ACSF3: variants seen among roughly 807,000 people sequenced by gnomAD.
The protein encoded by ACSF3 is malonate--CoA ligase ACSF3, mitochondrial.
ACSF3 carries 78 observed loss-of-function variants against 53.2 expected under a neutral mutation model. The ratio of observed to expected loss-of-function variants is 1.47; its 90% CI spans 1.22 to 1.77. The LOEUF (loss-of-function observed/expected upper bound fraction) is 1.77. ACSF3 is among the 40% of genes most tolerant of loss of function. The probability of loss-of-function intolerance (pLI) is 0.00; values close to 1 mark genes in which losing one functional copy is unlikely to be tolerated. For missense variants in ACSF3, 937 were observed against 771.1 expected (o/e 1.22, Z -2.55); for synonymous variants, 414 against 333.1 (o/e 1.24, Z -2.65).
intron 7 of ACSF3, chr16:89,122,774 G>A (rs1906967902): frequency 6.5e-6 from 1 of 153,504 alleles, no homozygotes; most frequent in African/African-American, 2.4e-5. Flanking sequence ...CAGAGAAAGG[G>A]GCGGAGCGGG....
Position 89,154,441 on chromosome 16 carries a change from G to C in ACSF3, c.*234G>C. The C allele has an allele frequency of 1.5e-6, 1 of 653,692 alleles. No homozygotes were observed. Among genetic ancestry groups the C allele is most frequent in the Non-Finnish European group, 2.8e-6 (1 of 355,592 alleles). The allele number at this position is 653,692 out of a possible 1,614,324, so 40.5% of individuals were successfully genotyped here. A position where few individuals can be genotyped will look rare whatever the true frequency, so the allele number is the denominator to read the frequency against. On this transcript the variant is annotated 3_prime_UTR_variant, in exon 11 of 11. Coordinates refer to ENST00000614302, the MANE Select transcript of ACSF3 (RefSeq NM_001243279.3). ...GTGTCACCTCTGCCTGGTCACCGCC[G>C]ACCTCATCTGTGCAGCGCGGTGCAG... is the stretch of plus-strand genomic sequence containing the variant.
intron 10 of ACSF3, chr16:89,151,241 G>A (rs1243345786): frequency 2.2e-6 from 1 of 456,094 alleles, no homozygotes; most frequent in African/African-American, 2.0e-5. Flanking sequence ...AGACTGAACA[G>A]TTCTGAGTTA....
intron 2 of ACSF3, 83 bp from the exon 3 acceptor site, chr16:89,100,579 T>C (rs958352080): frequency 7.4e-7 from 1 of 1,350,250 alleles, no homozygotes; most frequent in East Asian, 2.4e-5. Context: ...GGCTGGGTAC[T>C]GGGGAGGTGT....
chr16:89,113,877 C>T (rs1430888294), intron 5 of ACSF3: 5 of 305,892 alleles, frequency 1.6e-5, no homozygotes, highest in East Asian at 9.0e-5. Context: ...CCCATGTCCG[C>T]GTTCTGCTGC....
At chr16:89,114,098 C>G in intron 5 of ACSF3, 1 of 581,330 alleles carries the variant, frequency 1.7e-6, no homozygotes, top group South Asian at 1.8e-5. Context: ...GGACCTGCTT[C>G]CTTCTAAAAT....
intron 6 of ACSF3, among the ~76,000 whole-genome samples, chr16:89,116,143 C>T (rs1011845873): frequency 3.9e-5 from 6 of 152,356 alleles, no homozygotes; most frequent in East Asian, 1.9e-4. Flanking sequence ...ATACGGACCA[C>T]AGTTCTTTTT....
At chr16:89,144,409 C>T (rs1912487142) in intron 8 of ACSF3, among the ~76,000 whole-genome samples, 1 of 152,218 alleles carries the variant, frequency 6.6e-6, no homozygotes, top group Non-Finnish European at 1.5e-5. Context: ...TGGGCACCAG[C>T]AGGAGGCTCC....
At chr16:89,126,812 A>G (rs928168409) in intron 7 of ACSF3, among the ~76,000 whole-genome samples, 7 of 152,216 alleles carry the variant, frequency 4.6e-5, no homozygotes, top group Admixed American at 2.6e-4. Flanking sequence ...AGGACTTCCA[A>G]TACGATACTG....
At chr16:89,138,586 C>T (rs557087602) in intron 8 of ACSF3, among the ~76,000 whole-genome samples, 3 of 152,362 alleles carry the variant, frequency 2.0e-5, no homozygotes, top group South Asian at 2.1e-4. Flanking sequence ...GGGCCTGCCA[C>T]GCTCAGCCAG....
chr16:89,135,875 A>G (rs576912120), intron 8 of ACSF3, among the ~76,000 whole-genome samples: 2 of 152,340 alleles, frequency 1.3e-5, no homozygotes. Flanking sequence ...CTCGGGTTCA[A>G]GCAATTCTCC....
chr16:89,119,388 G>C (rs1028482741), intron 6 of ACSF3, among the ~76,000 whole-genome samples: 2 of 152,190 alleles, frequency 1.3e-5, no homozygotes, highest in Admixed American at 1.3e-4. Context: ...CCACGGACGC[G>C]GACAGCAGAC....
At chr16:89,135,427 G>A (rs961621220) in intron 8 of ACSF3, among the ~76,000 whole-genome samples, 2 of 152,238 alleles carry the variant, frequency 1.3e-5, no homozygotes, top group African/African-American at 2.4e-5. Context: ...TGAAGGCTCC[G>A]TGAGCCCCTA....
intron 8 of ACSF3, among the ~76,000 whole-genome samples, chr16:89,142,544 C>A (rs1374540161): frequency 2.0e-5 from 3 of 151,350 alleles, no homozygotes; most frequent in African/African-American, 7.3e-5. Context: ...CACACCCACA[C>A]CTGCAGACAC....
intron 7 of ACSF3, among the ~76,000 whole-genome samples, chr16:89,130,829 C>A (rs899035678): frequency 1.3e-5 from 2 of 152,100 alleles, no homozygotes; most frequent in African/African-American, 4.8e-5. Context: ...TAAGTGTTAT[C>A]TTTTCTTCTG....
chr16:89,106,231 C>A (rs1975966988), intron 4 of ACSF3, among the ~76,000 whole-genome samples: 1 of 152,216 alleles, frequency 6.6e-6, no homozygotes, highest in South Asian at 2.1e-4. Flanking sequence ...ACGGGAAAGC[C>A]TCAGACCTTC....
chr16:89,121,672 G>A (rs1906687192), intron 7 of ACSF3, among the ~76,000 whole-genome samples: 1 of 152,186 alleles, frequency 6.6e-6, no homozygotes, highest in Non-Finnish European at 1.5e-5. Context: ...CAAAGATCGA[G>A]GGATCCTGAG....
In ACSF3 at chr16:89,154,112, G is replaced by A; in HGVS notation, c.1636G>A (p.Val546Met). The change falls in exon 11 of 11, where the codon GTG becomes ATG. Residue 546 changes from valine to methionine, a missense_variant. Transcript: ENST00000614302. ...CAGAAATGTCCTGGCCCCGTACGCGGTGCCCTCGGAGCTGGTGCTGGTGGA... is the reference window on the plus strand; with the variant it reads ...CAGAAATGTCCTGGCCCCGTACGCGATGCCCTCGGAGCTGGTGCTGGTGGA... Reference protein sequence around the residue: ...WARNVLAPYAVPSELVLVEEI... With the variant: ...WARNVLAPYAMPSELVLVEEI... The A allele has an allele frequency of 6.2e-7, 1 of 1,613,192 alleles. No homozygotes were observed. The highest frequency in any genetic ancestry group is 1.1e-5 in the South Asian group (1 of 90,786).
chr16:89,146,558 T>A (rs1009037276), intron 10 of ACSF3, among the ~76,000 whole-genome samples: 24 of 152,164 alleles, frequency 1.6e-4, no homozygotes, highest in African/African-American at 5.1e-4. Flanking sequence ...TCTCCTGCCC[T>A]GGGGGTGGGT....
intron 8 of ACSF3, among the ~76,000 whole-genome samples, chr16:89,133,741 C>T (rs553921339): frequency 5.9e-5 from 9 of 152,356 alleles, no homozygotes; most frequent in South Asian, 2.1e-4. Flanking sequence ...AGTCAGCTGA[C>T]GCAGTGCGGT....
Sources: allele counts gnomAD v4.1 joint callset (sites outside exome capture counted in the v4.1 genomes callset), GRCh38; gene constraint gnomAD v4.1.1; transcripts MANE v1.5; gene names NCBI Gene and HGNC (gene_info 2026-07-23, HGNC 2026-07-21).